Variants in KCNMA1 observed in about 807,000 individuals in gnomAD.
The protein encoded by KCNMA1 is potassium calcium-activated channel subfamily M alpha 1, also known as Calcium-activated potassium channel subunit alpha-1.
In KCNMA1, 29 loss-of-function variants were observed where a neutral mutation model predicts 140.0. The ratio of observed to expected loss-of-function variants is 0.21; its 90% CI spans 0.15 to 0.28. KCNMA1 has a LOEUF of 0.28. KCNMA1 is among the 10% of genes least tolerant of loss of function. The pLI is 1.00. For missense variants in KCNMA1, 880 were observed against 1,602.2 expected (o/e 0.55, Z 7.70); for synonymous variants, 612 against 611.9 (o/e 1.00, Z 0.00).
intron 2 of KCNMA1, among the ~76,000 whole-genome samples, chr10:77,385,348 T>C (rs1486231954): frequency 6.6e-6 from 1 of 152,222 alleles, no homozygotes; most frequent in Non-Finnish European, 1.5e-5. Context: ...TCAGTGAACT[T>C]ACAGTTTACT....
At chr10:77,065,349 T>C (rs1467333642) in intron 14 of KCNMA1, among the ~76,000 whole-genome samples, 2 of 152,118 alleles carry the variant, frequency 1.3e-5, no homozygotes, top group Non-Finnish European at 2.9e-5. Context: ...TTCTGTTTTT[T>C]CCACATGGAA....
intron 1 of KCNMA1, among the ~76,000 whole-genome samples, chr10:77,405,091 G>T (rs1202139956): frequency 2.0e-5 from 3 of 152,096 alleles, no homozygotes; most frequent in Non-Finnish European, 4.4e-5. Context: ...AGATAACTGA[G>T]CCCCACACAG....
chr10:77,271,090 T>C (rs2064997265), intron 2 of KCNMA1, among the ~76,000 whole-genome samples: 2 of 152,230 alleles, frequency 1.3e-5, no homozygotes, highest in African/African-American at 2.4e-5. Flanking sequence ...AATTGTTGCA[T>C]CTTGTGAAAA....
At chr10:77,450,280 T>C (rs933463188) in intron 1 of KCNMA1, among the ~76,000 whole-genome samples, 6 of 152,032 alleles carry the variant, frequency 3.9e-5, no homozygotes. Context: ...GGTCTCGAAC[T>C]CCTGCCCTGA....
At chr10:77,037,858 G>C (rs922468298) in intron 15 of KCNMA1, among the ~76,000 whole-genome samples, 2 of 152,138 alleles carry the variant, frequency 1.3e-5, no homozygotes, top group African/African-American at 2.4e-5. Context: ...GCTCCAGGGA[G>C]GGGGAGATCC....
At position 77,637,558 on chromosome 10, in the gene KCNMA1, T is replaced by A. The variant is rs369845234; in HGVS notation, c.85A>T (p.Ile29Phe). ...TCTAGGCTGAGATGGTTCGCGTGGATATTGCTACTCATTCTAAGACTGCTG... is the reference window on the plus strand; with the variant it reads ...TCTAGGCTGAGATGGTTCGCGTGGAAATTGCTACTCATTCTAAGACTGCTG... ...GGSSLRMSSN[I>F]HANHLSLDAS... is the part of the protein sequence containing the mutation. The change falls in exon 1 of 28, where the codon ATC (isoleucine) becomes TTC (phenylalanine). Residue 29 changes from isoleucine (I) to phenylalanine (F), a missense_variant. Physicochemically the swap from Ile to Phe is conservative, Grantham distance 21. Coordinates refer to ENST00000286628, the MANE Select transcript of KCNMA1 (RefSeq NM_001161352.2). 46 of 1,542,920 alleles carry A rather than the reference T, an allele frequency of 3.0e-5. 1 individual carries two copies. In the South Asian group the frequency reaches 5.2e-4, roughly 18 times the overall value.
At chr10:77,146,426 C>T (rs1327379127) in intron 5 of KCNMA1, among the ~76,000 whole-genome samples, 4 of 152,016 alleles carry the variant, frequency 2.6e-5, no homozygotes, top group Non-Finnish European at 5.9e-5. Context: ...AGAAGCTGGG[C>T]GCGGTGGCTC....
intron 20 of KCNMA1, among the ~76,000 whole-genome samples, chr10:76,965,102 C>G (rs748633725): frequency 2.6e-5 from 4 of 152,156 alleles, no homozygotes; most frequent in Non-Finnish European, 5.9e-5. Flanking sequence ...TATTTAGAGA[C>G]AAAGTCTGTG....
intron 1 of KCNMA1, among the ~76,000 whole-genome samples, chr10:77,563,674 C>A (rs1285458140): frequency 1.2e-4 from 19 of 152,192 alleles, no homozygotes; most frequent in Non-Finnish European, 2.2e-4. Context: ...ACCCCATGTA[C>A]CTCCCTGGTT....
intron 14 of KCNMA1, among the ~76,000 whole-genome samples, chr10:77,047,470 A>C (rs2095131406): frequency 6.6e-6 from 1 of 152,220 alleles, no homozygotes. Context: ...GGAAAGACAG[A>C]GTGCCAGAGG....
intron 1 of KCNMA1, among the ~76,000 whole-genome samples, chr10:77,551,029 G>T (rs2062716877): frequency 6.6e-6 from 1 of 152,082 alleles, no homozygotes; most frequent in African/African-American, 2.4e-5. Flanking sequence ...ACAGGGTCTT[G>T]CTATGTTGCC....
chr10:77,465,558 C>T (rs774281518), intron 1 of KCNMA1, among the ~76,000 whole-genome samples: 16 of 152,134 alleles, frequency 1.1e-4, no homozygotes, highest in Admixed American at 3.3e-4. Context: ...ACAGCTTTCT[C>T]ATCTGCAAAA....
intron 2 of KCNMA1, among the ~76,000 whole-genome samples, chr10:77,298,819 G>A (rs2075873250): frequency 6.6e-6 from 1 of 152,186 alleles, no homozygotes; most frequent in African/African-American, 2.4e-5. Flanking sequence ...CCTTCCTCCA[G>A]ACTGGCTCCC....
chr10:77,268,578 C>T (rs539691665), intron 2 of KCNMA1, among the ~76,000 whole-genome samples: 9 of 152,042 alleles, frequency 5.9e-5, no homozygotes, highest in Non-Finnish European at 1.3e-4. Context: ...AAAAGCAGTC[C>T]ATAAAACACA....
intron 10 of KCNMA1, among the ~76,000 whole-genome samples, chr10:77,089,675 G>A (rs1287074842): frequency 6.6e-6 from 1 of 152,086 alleles, no homozygotes; most frequent in Admixed American, 6.6e-5. Context: ...GCCTGACTCT[G>A]CTCTGCACAC....
chr10:77,227,448 A>G (rs745748340), intron 3 of KCNMA1, among the ~76,000 whole-genome samples: 1 of 152,024 alleles, frequency 6.6e-6, no homozygotes, highest in Non-Finnish European at 1.5e-5. Flanking sequence ...ATAAAACAGA[A>G]CCACCTTTGT....
intron 1 of KCNMA1, among the ~76,000 whole-genome samples, chr10:77,529,519 G>T (rs934024585): frequency 1.3e-5 from 2 of 151,970 alleles, no homozygotes; most frequent in South Asian, 4.2e-4. Context: ...CACCTCAGCT[G>T]TAAGCTTCTT....
chr10:77,042,854 T>C (rs904874428), intron 14 of KCNMA1, among the ~76,000 whole-genome samples: 2 of 152,224 alleles, frequency 1.3e-5, no homozygotes, highest in East Asian at 3.8e-4. Flanking sequence ...TATTGAGTCA[T>C]TCATTCAGCA....
At position 77,001,487 on chromosome 10, in the gene KCNMA1, C is replaced by A; in HGVS notation, c.2186G>T (p.Arg729Leu). 6.4e-7 allele frequency: 1 copy of A among 1,551,970 alleles called. No homozygotes were observed. The highest frequency in any genetic ancestry group is 8.7e-7 in the Non-Finnish European group (1 of 1,147,002). The change falls in exon 19 of 28, where the codon CGT (arginine) becomes CTT (leucine). Residue 729 changes from arginine to leucine, a missense_variant. Arg to Leu is a moderately radical substitution (Grantham distance 102). Transcript: ENST00000286628. ...TCTCTCAAGGGTGTCCACGTTACCA[C>A]GCACACGGCCTGACATGCATGAGCA... ...RDCSCMSGRV[R>L]GNVDTLERAF...
Sources: gnomAD v4.1 joint callset for allele counts (sites outside exome capture counted in the v4.1 genomes callset) on GRCh38, gnomAD v4.1.1 for gene constraint, MANE v1.5 for transcripts, NCBI Gene and HGNC (gene_info 2026-07-23, HGNC 2026-07-21) for gene names.